The following GALNT17 variants were observed in gnomAD, a reference collection of about 807,000 sequenced individuals.
GALNT17 encodes the protein UDP-GalNAc:polypeptide N-acetylgalactosaminyltransferase-like 3.
Under a neutral mutation model 63.7 loss-of-function variants are expected in GALNT17, and 29 were observed. The observed-to-expected ratio is 0.46, with a 90% confidence interval of 0.34 to 0.62. GALNT17 has a LOEUF of 0.62. Ranked by LOEUF, GALNT17 falls within the 20% of genes least tolerant of loss-of-function variation. GALNT17 has a pLI of 0.01. For missense variants in GALNT17, 603 were observed against 799.6 expected, an observed-to-expected ratio of 0.75 and a Z score of 2.97; for synonymous variants, 305 against 318.3, an observed-to-expected ratio of 0.96 and a Z score of 0.45.
At chr7:71,148,062 G>T (rs757611100) in intron 1 of GALNT17, among the ~76,000 whole-genome samples, 3 of 152,094 alleles carry the variant, frequency 2.0e-5, no homozygotes, top group South Asian at 2.1e-4. Flanking sequence ...GTTCATCTCT[G>T]TCTTTCCTCA....
chr7:71,172,106 A>G (rs1294912017), intron 1 of GALNT17, among the ~76,000 whole-genome samples: 1 of 152,148 alleles, frequency 6.6e-6, no homozygotes, highest in Non-Finnish European at 1.5e-5. Context: ...GAAACAGAAT[A>G]TATGAAGAAT....
intron 5 of GALNT17, among the ~76,000 whole-genome samples, chr7:71,541,125 TCC>T (rs1483444316): frequency 6.6e-6 from 1 of 151,530 alleles, no homozygotes; most frequent in African/African-American, 2.4e-5. Flanking sequence ...ATACCTGTAA[TCC>T]CAACTACTCG....
chr7:71,234,102 T>C (rs544992005), intron 1 of GALNT17, among the ~76,000 whole-genome samples: 1 of 152,210 alleles, frequency 6.6e-6, no homozygotes, highest in Admixed American at 6.5e-5. Context: ...GAGATTTGGG[T>C]GGGACACACA....
chr7:71,626,201 G>A (rs545242694), intron 6 of GALNT17, among the ~76,000 whole-genome samples: 2 of 148,106 alleles, frequency 1.4e-5, no homozygotes, highest in Admixed American at 6.9e-5. Flanking sequence ...CTGAGATCAC[G>A]CCATTGCACT....
intron 5 of GALNT17, among the ~76,000 whole-genome samples, chr7:71,428,903 C>A (rs1003422588): frequency 6.6e-6 from 1 of 152,174 alleles, no homozygotes; most frequent in Non-Finnish European, 1.5e-5. Flanking sequence ...GTGAGTCGCA[C>A]ACCAGTGAGC....
chr7:71,262,121 T>A (rs901940483), intron 1 of GALNT17, among the ~76,000 whole-genome samples: 8 of 151,998 alleles, frequency 5.3e-5, no homozygotes, highest in African/African-American at 1.9e-4. Context: ...TTGATTTTTA[T>A]TTTTTTTGTA....
In GALNT17 at chr7:71,223,447, G is replaced by T. The variant is rs372939768; in HGVS notation, c.238+90407G>T. Among the ~76,000 whole-genome samples the T allele has an allele frequency of 1.3e-4, 20 of 151,576 alleles. No homozygotes were observed. The East Asian group carries it at 3.7e-3, about 28-fold the overall frequency. ...GTTTATTTCTCTTCTTGCTCAAATT[G>T]TTCTAGCTTTGACCACTGGGAACTC... On this transcript the variant is annotated intron_variant, in intron 1 of 10. Coordinates refer to ENST00000333538, the MANE Select transcript of GALNT17 (RefSeq NM_022479.3).
At chr7:71,457,451 T>C (rs1308563867) in intron 5 of GALNT17, among the ~76,000 whole-genome samples, 4 of 152,104 alleles carry the variant, frequency 2.6e-5, no homozygotes, top group Admixed American at 2.0e-4. Context: ...GACAAGTCCG[T>C]AGAGTAAAGT....
intron 1 of GALNT17, among the ~76,000 whole-genome samples, chr7:71,293,126 TA>T (rs1419508847): frequency 6.6e-6 from 1 of 152,190 alleles, no homozygotes; most frequent in Non-Finnish European, 1.5e-5. Flanking sequence ...ATAGTGAGAT[TA>T]TTTTTGTATC....
rs528179378 is a variant in GALNT17, at chr7:71,664,482, G to A, written c.1081-929G>A. Among the ~76,000 whole-genome samples the A allele has an allele frequency of 3.3e-5, 5 of 152,230 alleles. No individual in the cohort carries two copies. The South Asian group carries it at 6.2e-4, about 19-fold the overall frequency. On this transcript the variant is annotated intron_variant, in intron 6 of 10. Coordinates refer to ENST00000333538, the MANE Select transcript of GALNT17 (RefSeq NM_022479.3). ...AAAAATTAACTGGGCATGGAGGCAC[G>A]TACCTGTAGTCCCAGCTACTTGGAA...
chr7:71,215,673 T>C lies in GALNT17; in HGVS notation c.238+82633T>C, dbSNP rs766688947. On this transcript the variant is annotated intron_variant, in intron 1 of 10. Transcript: ENST00000333538. ...ATCCCAGATACTATGTCATGTCACC[T>C]GTAAATGTCGGATATTATATCCTGG... 1.1e-4 allele frequency among the ~76,000 whole-genome samples: 17 copies of C among 152,212 alleles called. No individual in the cohort carries two copies. In the South Asian group the frequency reaches 1.5e-3, roughly 13 times the overall value.
intron 1 of GALNT17, among the ~76,000 whole-genome samples, chr7:71,217,506 T>C (rs917339265): frequency 1.3e-5 from 2 of 152,188 alleles, no homozygotes; most frequent in South Asian, 2.1e-4. Context: ...GATGTGACTG[T>C]TAGATTTCAA....
chr7:71,326,538 G>A (rs569633461), intron 1 of GALNT17, among the ~76,000 whole-genome samples: 43 of 152,224 alleles, frequency 2.8e-4, no homozygotes, highest in African/African-American at 8.9e-4. Context: ...ACTCAAAGAC[G>A]TGTTCTTCTC....
rs544900959 is a variant in GALNT17, at chr7:71,565,595, AT to A, written c.963-5689del. Among the ~76,000 whole-genome samples, 1,119 of 149,616 alleles carry A rather than the reference AT, an allele frequency of 7.5e-3. 12 individuals carry two copies. The highest frequency in any genetic ancestry group is 8.4e-3 in the Non-Finnish European group (565 of 67,506). ...CTTCCCTACCAGGAGTCCTCCCCAG[AT>A]CTGTTCTGCACATTCATTCACTCAA... On this transcript the variant is annotated intron_variant, in intron 5 of 10. Coordinates refer to ENST00000333538, the MANE Select transcript of GALNT17 (RefSeq NM_022479.3).
intron 5 of GALNT17, among the ~76,000 whole-genome samples, chr7:71,446,605 A>G (rs531155391): frequency 2.6e-5 from 4 of 152,210 alleles, no homozygotes; most frequent in African/African-American, 9.6e-5. Flanking sequence ...CTGGAGTGCA[A>G]TGGCATGATC....
At chr7:71,609,341 T>C (rs1790091966) in intron 6 of GALNT17, among the ~76,000 whole-genome samples, 1 of 152,154 alleles carries the variant, frequency 6.6e-6, no homozygotes, top group South Asian at 2.1e-4. Flanking sequence ...ACGTTCCTTT[T>C]TGTAAGCCGT....
chr7:71,483,537 T>A (rs1787857867), intron 5 of GALNT17, among the ~76,000 whole-genome samples: 1 of 152,034 alleles, frequency 6.6e-6, no homozygotes, highest in South Asian at 2.1e-4. Flanking sequence ...GGAGGTAGAC[T>A]TTGTAAACAC....
At chr7:71,213,463 TAC>T (rs3086588) in intron 1 of GALNT17, among the ~76,000 whole-genome samples, 47,696 of 152,062 alleles carry the variant, frequency 0.31, 8,924 homozygotes, top group South Asian at 0.53. Context: ...GTTTTATAAA[TAC>T]ATAGTGTTCT....
At chr7:71,153,065 A>G (rs1038012265) in intron 1 of GALNT17, among the ~76,000 whole-genome samples, 2 of 151,724 alleles carry the variant, frequency 1.3e-5, no homozygotes, top group African/African-American at 4.8e-5. Context: ...CCTGCCAGCA[A>G]CCTTCCTAGT....
Sources: gnomAD v4.1 joint callset for allele counts (sites outside exome capture counted in the v4.1 genomes callset) on GRCh38, gnomAD v4.1.1 for gene constraint, MANE v1.5 for transcripts, NCBI Gene and HGNC (gene_info 2026-07-23, HGNC 2026-07-21) for gene names.